AFAP1L1: variants seen among roughly 807,000 people sequenced by gnomAD.
The protein encoded by AFAP1L1 is actin filament-associated protein 1-like 1.
In AFAP1L1, 77 loss-of-function variants were observed where a neutral mutation model predicts 99.8. That is an observed-to-expected ratio of 0.77 (90% CI 0.64 to 0.93). The LOEUF is 0.93. AFAP1L1 is among the 40% of genes least tolerant of loss of function. The probability of loss-of-function intolerance (pLI) is 0.00; values close to 1 mark genes in which losing one functional copy is unlikely to be tolerated. For synonymous variants in AFAP1L1, 373 were observed against 395.3 expected (o/e 0.94, Z 0.67); for missense variants, 893 against 996.8 (o/e 0.90, Z 1.40).
intron 1 of AFAP1L1, among the ~76,000 whole-genome samples, chr5:149,295,695 A>G (rs974489919): frequency 1.3e-5 from 2 of 152,222 alleles, no homozygotes; most frequent in African/African-American, 4.8e-5. Context: ...AAGTTTTGCA[A>G]TCCTTAGTCG....
chr5:149,282,830 G>A (rs1755562698), intron 1 of AFAP1L1, among the ~76,000 whole-genome samples: 1 of 152,316 alleles, frequency 6.6e-6, no homozygotes, highest in Middle Eastern at 3.4e-3. Flanking sequence ...ATGAAGCACT[G>A]TCCTTAAACC....
At position 149,335,770 on chromosome 5, in the gene AFAP1L1, C is replaced by A. The variant is rs764214757; in HGVS notation, c.2283+48C>A. ...CAAAAATCAGAGATCTGGTAGCCCC[C>A]TTTCTATGGAACTTCACCCAAAACC... is the stretch of plus-strand genomic sequence containing the variant. On this transcript the variant is annotated intron_variant, in intron 18 of 18. Coordinates refer to ENST00000296721, the MANE Select transcript of AFAP1L1 (RefSeq NM_152406.4). 5.6e-6 allele frequency: 9 copies of A among 1,594,612 alleles called. No individual in the cohort carries two copies. In the East Asian group the frequency reaches 2.0e-4, roughly 36 times the overall value.
chr5:149,329,423 TCAAAAATGCC>T (rs1757187781), intron 15 of AFAP1L1, among the ~76,000 whole-genome samples: 1 of 152,160 alleles, frequency 6.6e-6, no homozygotes, highest in African/African-American at 2.4e-5. Flanking sequence ...CAGCTGAAGG[TCAAAAATGCC>T]CAAATCTCAG....
intron 14 of AFAP1L1, among the ~76,000 whole-genome samples, chr5:149,322,050 AAGTAGAT>A (rs1300310632): frequency 2.0e-5 from 3 of 152,216 alleles, no homozygotes; most frequent in African/African-American, 7.2e-5. Context: ...CTATACAGAG[AAGTAGAT>A]AGTACTGTTG....
At chr5:149,273,832 T>G (rs1178265761) in intron 1 of AFAP1L1, among the ~76,000 whole-genome samples, 7 of 151,678 alleles carry the variant, frequency 4.6e-5, no homozygotes, top group African/African-American at 1.7e-4. Context: ...CCCACCAGTT[T>G]TTAAATACCA....
chr5:149,300,965 C>T (rs567798557), intron 3 of AFAP1L1, among the ~76,000 whole-genome samples, 168 bp from the exon 4 acceptor site: 29 of 152,338 alleles, frequency 1.9e-4, no homozygotes, highest in African/African-American at 6.7e-4. Context: ...ATTGCCACCA[C>T]GTACAGATGA....
chr5:149,335,783 T>C, intron 18 of AFAP1L1, 61 bp downstream of exon 18: 1 of 1,580,366 alleles, frequency 6.3e-7, no homozygotes, highest in Non-Finnish European at 8.6e-7. Context: ...TCTATGGAAC[T>C]TCACCCAAAA....
In AFAP1L1 at chr5:149,342,622, C is replaced by T. The variant is rs1252625042; in HGVS notation, c.*2592C>T. Among the ~76,000 whole-genome samples the T allele has an allele frequency of 6.6e-6, 1 of 152,158 alleles. No individual in the cohort carries two copies. On this transcript the variant is annotated 3_prime_UTR_variant, in exon 19 of 19. Transcript: ENST00000296721. The stretch of plus-strand genomic sequence containing the variant: ...CACTTGTTCTTGGTTGTTAAAATGC[C>T]TTGTTTAGGCCAGGTATGGTGGCTC...
intron 1 of AFAP1L1, among the ~76,000 whole-genome samples, chr5:149,272,954 C>T (rs538816307): frequency 6.6e-6 from 1 of 151,990 alleles, no homozygotes; most frequent in Non-Finnish European, 1.5e-5. Flanking sequence ...CAGCCGGCCC[C>T]GGCCTCTCAA....
chr5:149,329,843 G>A lies in AFAP1L1; in HGVS notation c.1975+13G>A, dbSNP rs1194523090. The A allele has an allele frequency of 3.1e-6, 5 of 1,597,890 alleles. No homozygotes were observed. The highest frequency in any genetic ancestry group is 4.3e-6 in the Non-Finnish European group (5 of 1,172,460). On this transcript the variant is annotated intron_variant, in intron 16 of 18. Coordinates refer to ENST00000296721, the MANE Select transcript of AFAP1L1 (RefSeq NM_152406.4). ...CGGAGCAGCCCAGGTACCTATGTGG[G>A]TGTGGTCCTGAGCACCTATGGGTGG...
At chr5:149,314,978 GC>G (rs1289578867) in intron 9 of AFAP1L1, among the ~76,000 whole-genome samples, 1 of 152,208 alleles carries the variant, frequency 6.6e-6, no homozygotes, top group African/African-American at 2.4e-5. Flanking sequence ...CGTCACAGCA[GC>G]CCTCTGAAGT....
chr5:149,327,063 C>CTCATTCCTCCTGCTATAACA (rs1554103545), intron 15 of AFAP1L1, among the ~76,000 whole-genome samples: 1 of 151,252 alleles, frequency 6.6e-6, no homozygotes, highest in South Asian at 2.1e-4. Context: ...CATGAAGAAG[C>CTCATTCCTCCTGCTATAACA]AGGAAAATGT....
Position 149,288,980 on chromosome 5 carries a change from A to G in AFAP1L1, c.17-10529A>G, listed in dbSNP as rs1031324003. Among the ~76,000 whole-genome samples the G allele has an allele frequency of 2.6e-5, 4 of 152,308 alleles. No homozygotes were observed. The East Asian group carries it at 7.7e-4, about 29-fold the overall frequency. On this transcript the variant is annotated intron_variant, in intron 1 of 18. Transcript: ENST00000296721. ...CTCCATGACCACCCTGTCTTCCTGA[A>G]ATAACAGTGCATCAAAGAATGGTAC... is the stretch of plus-strand genomic sequence containing the variant.
At chr5:149,272,044 C>G in intron 1 of AFAP1L1, 60 bp downstream of exon 1, 1 of 1,230,604 alleles carries the variant, frequency 8.1e-7, no homozygotes, top group South Asian at 4.1e-5. Context: ...GGAGACTGGA[C>G]GATCTGAAGC....
At chr5:149,317,639 C>G (rs1445362653) in intron 11 of AFAP1L1, 90 bp from the exon 12 acceptor site, 4 of 1,385,542 alleles carry the variant, frequency 2.9e-6, no homozygotes, top group African/African-American at 2.9e-5. Flanking sequence ...GACCCCGAGG[C>G]CTTCTTTCCA....
chr5:149,285,535 G>A (rs1755651830), intron 1 of AFAP1L1, among the ~76,000 whole-genome samples: 1 of 152,154 alleles, frequency 6.6e-6, no homozygotes, highest in East Asian at 1.9e-4. Flanking sequence ...TCCCAAGTTT[G>A]ATGTTGGATA....
intron 1 of AFAP1L1, among the ~76,000 whole-genome samples, chr5:149,277,535 C>A (rs1561657466): frequency 6.6e-6 from 1 of 152,172 alleles, no homozygotes; most frequent in Non-Finnish European, 1.5e-5. Flanking sequence ...GCAGACATAC[C>A]TCTTCCCTGA....
Position 149,315,914 on chromosome 5 carries a change from G to A in AFAP1L1, c.1114G>A (p.Gly372Ser), listed in dbSNP as rs367945305. 1.5e-5 allele frequency: 25 copies of A among 1,613,996 alleles called. No individual in the cohort carries two copies. The highest frequency in any genetic ancestry group is 2.0e-5 in the Non-Finnish European group (24 of 1,180,010). ...TGGCCGCCGGGAGACCTGTGATCAC[G>A]GTAGGAGCCTCTGGGGGCTCAGGCT... ...TLGRRETCDH[G>S]KGKKSSLAEL... Residue 372 changes from glycine (G) to serine (S), a missense_variant and splice_region_variant, in exon 10 of 19, where the codon GGC becomes AGC. By Grantham distance (56) the Gly-to-Ser change is moderately conservative (BLOSUM62 0). Coordinates refer to ENST00000296721, the MANE Select transcript of AFAP1L1 (RefSeq NM_152406.4).
intron 17 of AFAP1L1, among the ~76,000 whole-genome samples, chr5:149,334,467 T>G (rs1757347674): frequency 6.6e-6 from 1 of 152,234 alleles, no homozygotes; most frequent in Admixed American, 6.5e-5. Context: ...AAAGAGAAGC[T>G]TTCTCTAAAT....
Sources: gnomAD v4.1 joint callset for allele counts (sites outside exome capture counted in the v4.1 genomes callset) on GRCh38, gnomAD v4.1.1 for gene constraint, MANE v1.5 for transcripts, NCBI Gene and HGNC (gene_info 2026-07-23, HGNC 2026-07-21) for gene names.